Variants in KCNIP4 observed in about 807,000 individuals in gnomAD.
KCNIP4 encodes the protein Kv channel-interacting protein 4.
Under a neutral mutation model 34.0 loss-of-function variants are expected in KCNIP4, and 12 were observed. The ratio of observed to expected loss-of-function variants is 0.35; its 90% CI spans 0.23 to 0.57. The LOEUF (loss-of-function observed/expected upper bound fraction) is 0.57, where lower values mean the gene tolerates loss of function less well. Among genes scored for constraint, KCNIP4 ranks in the 20% least tolerant of loss-of-function variants. The probability of loss-of-function intolerance (pLI) is 0.83; values close to 1 mark genes in which losing one functional copy is unlikely to be tolerated. For missense variants in KCNIP4, 238 were observed against 311.7 expected (o/e 0.76, Z 1.78); for synonymous variants, 124 against 102.2 (o/e 1.21, Z -1.29).
chr4:20,796,371 T>C (rs1291373148), intron 3 of KCNIP4, among the ~76,000 whole-genome samples: 2 of 152,096 alleles, frequency 1.3e-5, no homozygotes, highest in Non-Finnish European at 2.9e-5. Context: ...TGCGCTGGTG[T>C]GATCACAGAA....
intron 1 of KCNIP4, among the ~76,000 whole-genome samples, chr4:20,936,516 T>C (rs2149610338): frequency 6.6e-6 from 1 of 152,184 alleles, no homozygotes; most frequent in South Asian, 2.1e-4. Context: ...CTTTACTCCT[T>C]CTACAAGTAC....
intron 3 of KCNIP4, among the ~76,000 whole-genome samples, chr4:20,839,008 T>C (rs907639817): frequency 3.9e-5 from 6 of 152,182 alleles, no homozygotes; most frequent in African/African-American, 1.2e-4. Context: ...GAGGGAATCA[T>C]TATGAGAAAG....
chr4:21,594,477 G>A (rs1742463332), intron 1 of KCNIP4, among the ~76,000 whole-genome samples: 1 of 152,022 alleles, frequency 6.6e-6, no homozygotes, highest in African/African-American at 2.4e-5. Flanking sequence ...TAATATGCAG[G>A]GCTGGTGGGT....
intron 1 of KCNIP4, among the ~76,000 whole-genome samples, chr4:21,177,847 C>CA (rs941042353): frequency 3.0e-4 from 39 of 130,116 alleles, no homozygotes; most frequent in African/African-American, 6.4e-4. Context: ...GACTATGTCT[C>CA]AAAAAAAAAA....
intron 1 of KCNIP4, among the ~76,000 whole-genome samples, chr4:21,250,893 T>C (rs1042952221): frequency 1.4e-4 from 21 of 150,356 alleles, no homozygotes; most frequent in Admixed American, 1.3e-3. Context: ...ATATATATTA[T>C]ACTCATATAT....
At chr4:21,467,071 C>CA (rs1491236722) in intron 1 of KCNIP4, among the ~76,000 whole-genome samples, 1 of 103,002 alleles carries the variant, frequency 9.7e-6, no homozygotes, top group Non-Finnish European at 1.9e-5. Flanking sequence ...CAAACCAAAA[C>CA]AAACACACAC....
intron 1 of KCNIP4, among the ~76,000 whole-genome samples, chr4:21,542,930 T>TACACCA (rs1262389378): frequency 6.6e-6 from 1 of 151,804 alleles, no homozygotes; most frequent in Non-Finnish European, 1.5e-5. Flanking sequence ...ACCACCAAAA[T>TACACCA]GAGACTATCA....
intron 1 of KCNIP4, among the ~76,000 whole-genome samples, chr4:20,974,130 C>T (rs916315656): frequency 6.6e-6 from 1 of 152,142 alleles, no homozygotes; most frequent in African/African-American, 2.4e-5. Context: ...CAAAGCACAA[C>T]AATGTGAAGT....
Position 21,373,190 on chromosome 4 carries a change from G to T in KCNIP4, c.62-490481C>A, listed in dbSNP as rs1418077437. ...TGTAAAAAATTATCTGGCTGTGGTG[G>T]TGTGCACTTGTAGTCCTAGCTACTT... On this transcript the variant is annotated intron_variant, in intron 1 of 8. Coordinates refer to ENST00000382152, the MANE Select transcript of KCNIP4 (RefSeq NM_025221.6). 2.0e-5 allele frequency among the ~76,000 whole-genome samples: 3 copies of T among 146,608 alleles called. 1 individual carries two copies. Among genetic ancestry groups the T allele is most frequent in the African/African-American group, 5.5e-5 (2 of 36,414 alleles).
chr4:21,919,363 T>C (rs909720184), intron 1 of KCNIP4, among the ~76,000 whole-genome samples: 3 of 152,296 alleles, frequency 2.0e-5, no homozygotes, highest in African/African-American at 7.2e-5. Context: ...GATTCGAAGA[T>C]AGATAAACTG....
intron 1 of KCNIP4, among the ~76,000 whole-genome samples, chr4:21,590,260 G>C (rs1742089949): frequency 6.6e-6 from 1 of 151,964 alleles, no homozygotes; most frequent in Admixed American, 6.6e-5. Context: ...CAGTAGGTGT[G>C]GGAAGGGAAG....
intron 1 of KCNIP4, among the ~76,000 whole-genome samples, chr4:21,400,568 C>CA (rs1449284064): frequency 8.7e-5 from 6 of 68,994 alleles, no homozygotes; most frequent in African/African-American, 2.3e-4. Context: ...CTCTTCTCTT[C>CA]TCTTCTCTTC....
chr4:21,095,568 A>G (rs945660368), intron 1 of KCNIP4, among the ~76,000 whole-genome samples: 2 of 152,230 alleles, frequency 1.3e-5, no homozygotes, highest in Non-Finnish European at 2.9e-5. Context: ...AAAAATAATT[A>G]GACTCGTTTT....
intron 1 of KCNIP4, among the ~76,000 whole-genome samples, chr4:21,519,240 AC>A (rs1352283187): frequency 6.6e-6 from 1 of 151,598 alleles, no homozygotes; most frequent in Non-Finnish European, 1.5e-5. Context: ...TTGCTCTTTC[AC>A]CCATGTGAGG....
chr4:21,303,105 CAAT>C (rs1711937859), intron 1 of KCNIP4, among the ~76,000 whole-genome samples: 1 of 151,846 alleles, frequency 6.6e-6, no homozygotes, highest in Non-Finnish European at 1.5e-5. Context: ...ATTTAGGAAA[CAAT>C]AAGGACAAAT....
chr4:21,061,496 C>G (rs1320609820), intron 1 of KCNIP4, among the ~76,000 whole-genome samples: 1 of 151,992 alleles, frequency 6.6e-6, no homozygotes, highest in Non-Finnish European at 1.5e-5. Flanking sequence ...AGGTGGTGAG[C>G]CAGACTCAGC....
At chr4:21,065,746 AT>A in intron 1 of KCNIP4, among the ~76,000 whole-genome samples, 1 of 142,822 alleles carries the variant, frequency 7.0e-6, no homozygotes, top group East Asian at 2.0e-4. Context: ...ATATATATAT[AT>A]ATATATATAT....
rs1009929111 is a variant in KCNIP4 at position 21,775,740 on chromosome 4, G to A, written c.61+172831C>T. ...GGTTTATGCCTGAAGAGGCACTCTGGCCACAACTTGTGTGTTGGGCTGTGG... is the reference window on the plus strand; with the variant it reads ...GGTTTATGCCTGAAGAGGCACTCTGACCACAACTTGTGTGTTGGGCTGTGG... On this transcript the variant is annotated intron_variant, in intron 1 of 8. Transcript: ENST00000382152. Among the ~76,000 whole-genome samples the A allele has an allele frequency of 2.6e-5, 4 of 152,300 alleles. No individual in the cohort carries two copies. The East Asian group carries it at 7.7e-4, about 29-fold the overall frequency.
rs376702112 is a variant in KCNIP4 at position 21,948,666 on chromosome 4, G to C, written c.-35C>G. ...CGCAGGGTGCAGAAGCGAGACTCGA[G>C]AGTCCACCGGCCAGGGGCGTCTGTC... On this transcript the variant is annotated 5_prime_UTR_variant, in exon 1 of 9. Coordinates refer to ENST00000382152, the MANE Select transcript of KCNIP4 (RefSeq NM_025221.6). The C allele has an allele frequency of 3.4e-5, 55 of 1,603,622 alleles. No homozygotes were observed. Among genetic ancestry groups the C allele is most frequent in the Non-Finnish European group, 4.3e-5 (50 of 1,174,734 alleles).
Sources: allele counts gnomAD v4.1 joint callset (sites outside exome capture counted in the v4.1 genomes callset), GRCh38; gene constraint gnomAD v4.1.1; transcripts MANE v1.5; gene names NCBI Gene and HGNC (gene_info 2026-07-23, HGNC 2026-07-21).